Variants in ITGBL1 observed in about 807,000 individuals in gnomAD.
ITGBL1 encodes the protein integrin subunit beta like 1.
In ITGBL1, 51 loss-of-function variants were observed where a neutral mutation model predicts 68.5. The ratio of observed to expected loss-of-function variants is 0.74; its 90% CI spans 0.59 to 0.94. The LOEUF is 0.94. Among genes scored for constraint, ITGBL1 ranks in the 40% least tolerant of loss-of-function variants. The pLI is 0.00. For missense variants in ITGBL1, 649 were observed against 647.4 expected, an observed-to-expected ratio of 1.00 and a Z score of -0.03; for synonymous variants, 209 against 227.3, an observed-to-expected ratio of 0.92 and a Z score of 0.72.
At chr13:101,531,900 T>A (rs1594870527) in intron 2 of ITGBL1, among the ~76,000 whole-genome samples, 2 of 150,018 alleles carry the variant, frequency 1.3e-5, no homozygotes, top group African/African-American at 5.0e-5. Context: ...GCCTGGCTAA[T>A]TTTTTTTATT....
Position 101,635,544 on chromosome 13 carries a change from G to A in ITGBL1, c.1015+37245G>A, listed in dbSNP as rs1014744173. Among the ~76,000 whole-genome samples, 9 of 151,948 alleles carry A rather than the reference G, an allele frequency of 5.9e-5. No individual in the cohort carries two copies. In the South Asian group the frequency reaches 1.2e-3, roughly 21 times the overall value. On this transcript the variant is annotated intron_variant, in intron 7 of 10. Coordinates refer to ENST00000376180, the MANE Select transcript of ITGBL1 (RefSeq NM_004791.3). Reference sequence around the variant, plus strand: ...GGAAGTACAATTGTATTATTTGCTCGTAGAGTCAAGAAATATATGAAATGT... The same window carrying A: ...GGAAGTACAATTGTATTATTTGCTCATAGAGTCAAGAAATATATGAAATGT...
At chr13:101,636,902 A>G (rs999646474) in intron 7 of ITGBL1, among the ~76,000 whole-genome samples, 2 of 152,144 alleles carry the variant, frequency 1.3e-5, no homozygotes, top group African/African-American at 4.8e-5. Context: ...AGCTCATCAC[A>G]TCAAATTTTT....
intron 2 of ITGBL1, among the ~76,000 whole-genome samples, chr13:101,518,460 A>G (rs2049230520): frequency 6.6e-6 from 1 of 152,176 alleles, no homozygotes; most frequent in Admixed American, 6.5e-5. Flanking sequence ...AAATGGTATC[A>G]ACTGATACCT....
chr13:101,547,898 T>G lies in ITGBL1; in HGVS notation c.317-19801T>G, dbSNP rs545167742. Among the ~76,000 whole-genome samples the G allele has an allele frequency of 2.0e-5, 3 of 146,594 alleles. No homozygotes were observed. In the South Asian group the frequency reaches 6.4e-4, roughly 31 times the overall value. ...CTTACATTAAATATGTGTATATATC[T>G]CTGTGTGTGTGTATATATATATATG... On this transcript the variant is annotated intron_variant, in intron 2 of 10. Transcript: ENST00000376180.
At chr13:101,677,082 C>G (rs775250256) in intron 7 of ITGBL1, among the ~76,000 whole-genome samples, 1 of 152,134 alleles carries the variant, frequency 6.6e-6, no homozygotes, top group Non-Finnish European at 1.5e-5. Flanking sequence ...TGAGATCACA[C>G]CACTGCACTC....
chr13:101,496,550 A>T (rs574291660), intron 2 of ITGBL1, among the ~76,000 whole-genome samples: 21 of 152,154 alleles, frequency 1.4e-4, no homozygotes, highest in Non-Finnish European at 2.9e-4. Context: ...ACAGAGAAAA[A>T]ATCTATTTTT....
At chr13:101,475,231 A>G (rs2048518191) in intron 2 of ITGBL1, among the ~76,000 whole-genome samples, 1 of 152,234 alleles carries the variant, frequency 6.6e-6, no homozygotes. Flanking sequence ...AGATAAATTT[A>G]GCAAAGAGAT....
Position 101,679,342 on chromosome 13 carries a change from G to C in ITGBL1, c.1016-13243G>C, listed in dbSNP as rs1264622504. On this transcript the variant is annotated intron_variant, in intron 7 of 10. Coordinates refer to ENST00000376180, the MANE Select transcript of ITGBL1 (RefSeq NM_004791.3). ...AGTAATTTTATGGTGAATTACAGTT[G>C]AGTGTGTTTGTTTACAATCTGGAAT... is the stretch of plus-strand genomic sequence containing the variant. 2.0e-5 allele frequency among the ~76,000 whole-genome samples: 3 copies of C among 152,182 alleles called. No homozygotes were observed. In the East Asian group the frequency reaches 5.8e-4, roughly 29 times the overall value.
intron 7 of ITGBL1, among the ~76,000 whole-genome samples, chr13:101,689,728 G>T (rs1260849723): frequency 6.6e-6 from 1 of 152,136 alleles, no homozygotes; most frequent in Non-Finnish European, 1.5e-5. Flanking sequence ...AAAAAATGTT[G>T]TGGATATATA....
intron 6 of ITGBL1, among the ~76,000 whole-genome samples, chr13:101,589,722 A>G (rs1261238370): frequency 6.6e-6 from 1 of 152,192 alleles, no homozygotes; most frequent in Non-Finnish European, 1.5e-5. Flanking sequence ...TGTGTTATTG[A>G]GAAGATTATT....
At chr13:101,588,332 CAG>C (rs748501177) in intron 6 of ITGBL1, among the ~76,000 whole-genome samples, 67 of 118,246 alleles carry the variant, frequency 5.7e-4, no homozygotes, top group Non-Finnish European at 1.0e-3. Context: ...TGTGTACATA[CAG>C]AGAGATCTTT....
At chr13:101,628,599 ATT>A (rs34600896) in intron 7 of ITGBL1, among the ~76,000 whole-genome samples, 1 of 140,694 alleles carries the variant, frequency 7.1e-6, no homozygotes, top group South Asian at 2.3e-4. Context: ...TACCCAGCTA[ATT>A]TTTTTTTTTT....
In ITGBL1 at chr13:101,706,741, G is replaced by A. The variant is rs1594997395; in HGVS notation, c.1133-15G>A. 6.2e-7 allele frequency: 1 copy of A among 1,611,844 alleles called. No homozygotes were observed. Among genetic ancestry groups the A allele is most frequent in the African/African-American group, 1.3e-5 (1 of 74,972 alleles). On this transcript the variant is annotated splice_polypyrimidine_tract_variant and intron_variant, in intron 8 of 10. Coordinates refer to ENST00000376180, the MANE Select transcript of ITGBL1 (RefSeq NM_004791.3). Reference sequence around the variant, plus strand: ...TTCCTCATCCTCTCACTCCTTTCCTGTGGTTGCTTCACAGGCCACGGCACA... The same window carrying A: ...TTCCTCATCCTCTCACTCCTTTCCTATGGTTGCTTCACAGGCCACGGCACA...
intron 2 of ITGBL1, among the ~76,000 whole-genome samples, chr13:101,524,426 T>TA (rs1321896348): frequency 7.3e-5 from 11 of 151,412 alleles, no homozygotes; most frequent in African/African-American, 2.7e-4. Flanking sequence ...ATACAAAACT[T>TA]AAAAAATGAC....
intron 10 of ITGBL1, 190 bp downstream of exon 10, chr13:101,714,741 G>T (rs577653578): frequency 1.7e-4 from 94 of 560,152 alleles, no homozygotes; most frequent in Non-Finnish European, 2.9e-4. Context: ...AGGCATAGAA[G>T]AATACAAGAG....
chr13:101,466,635 G>A (rs919948048), intron 2 of ITGBL1, among the ~76,000 whole-genome samples: 3 of 152,060 alleles, frequency 2.0e-5, no homozygotes, highest in African/African-American at 7.2e-5. Context: ...GATTTCACGT[G>A]TTTTCTTATG....
At chr13:101,626,431 C>G (rs956999946) in intron 7 of ITGBL1, among the ~76,000 whole-genome samples, 1 of 152,152 alleles carries the variant, frequency 6.6e-6, no homozygotes, top group Non-Finnish European at 1.5e-5. Context: ...AAGCAGCTTA[C>G]CTTAGAAGTT....
chr13:101,542,779 C>T (rs1304186007), intron 2 of ITGBL1, among the ~76,000 whole-genome samples: 1 of 152,170 alleles, frequency 6.6e-6, no homozygotes, highest in African/African-American at 2.4e-5. Flanking sequence ...GTTAGCTCTT[C>T]TTGTTGAACT....
intron 7 of ITGBL1, among the ~76,000 whole-genome samples, chr13:101,605,850 G>GTC (rs1015373200): frequency 2.0e-5 from 3 of 149,874 alleles, no homozygotes; most frequent in Middle Eastern, 3.3e-3. Context: ...ATATACATAT[G>GTC]TATGTGTGTA....
Sources: gnomAD v4.1 joint callset for allele counts (sites outside exome capture counted in the v4.1 genomes callset) on GRCh38, gnomAD v4.1.1 for gene constraint, MANE v1.5 for transcripts, NCBI Gene and HGNC (gene_info 2026-07-23, HGNC 2026-07-21) for gene names.